ZBTB20: variants seen among roughly 807,000 people sequenced by gnomAD.
ZBTB20 encodes the protein zinc finger and BTB domain containing 20.
In ZBTB20, 9 loss-of-function variants were observed where a neutral mutation model predicts 56.9. The ratio of observed to expected loss-of-function variants is 0.16; its 90% CI spans 0.10 to 0.28. The LOEUF (loss-of-function observed/expected upper bound fraction) is 0.28, where lower values mean the gene tolerates loss of function less well. Ranked by LOEUF, ZBTB20 falls within the 10% of genes least tolerant of loss-of-function variation. The pLI is 1.00. For synonymous variants in ZBTB20, 417 were observed against 420.7 expected, an observed-to-expected ratio of 0.99 and a Z score of 0.11; for missense variants, 655 against 1,003.0, an observed-to-expected ratio of 0.65 and a Z score of 4.69.
chr3:114,782,125 C>T (rs965285981), intron 5 of ZBTB20, among the ~76,000 whole-genome samples: 3 of 152,318 alleles, frequency 2.0e-5, no homozygotes, highest in Non-Finnish European at 4.4e-5. Context: ...CTTCAGCAAG[C>T]AAATGCTCCA....
chr3:115,107,434 G>A (rs1019663321), intron 1 of ZBTB20, among the ~76,000 whole-genome samples: 8 of 149,964 alleles, frequency 5.3e-5, no homozygotes, highest in Non-Finnish European at 8.9e-5. Context: ...AAAAAAAAAA[G>A]TTTGTTAAAA....
intron 6 of ZBTB20, among the ~76,000 whole-genome samples, chr3:114,631,828 T>C (rs1346586695): frequency 6.6e-6 from 1 of 152,222 alleles, no homozygotes; most frequent in African/African-American, 2.4e-5. Context: ...GATACTGTGA[T>C]CATTGTTAGA....
At chr3:114,864,750 T>A (rs2075690746) in intron 4 of ZBTB20, among the ~76,000 whole-genome samples, 1 of 152,066 alleles carries the variant, frequency 6.6e-6, no homozygotes, top group Non-Finnish European at 1.5e-5. Flanking sequence ...CTTCCGGAGT[T>A]AAATTTTAAA....
At chr3:114,815,161 T>C (rs2072828663) in intron 4 of ZBTB20, among the ~76,000 whole-genome samples, 1 of 152,214 alleles carries the variant, frequency 6.6e-6, no homozygotes, top group Admixed American at 6.5e-5. Context: ...GGATTATTTG[T>C]ACAATAAAAT....
At chr3:114,912,678 T>A (rs1438517997) in intron 3 of ZBTB20, among the ~76,000 whole-genome samples, 1 of 151,972 alleles carries the variant, frequency 6.6e-6, no homozygotes, top group Non-Finnish European at 1.5e-5. Context: ...CCCTGTTGGG[T>A]GATCAAATAC....
chr3:114,582,659 C>G (rs141468876), intron 6 of ZBTB20, among the ~76,000 whole-genome samples: 2 of 152,144 alleles, frequency 1.3e-5, no homozygotes, highest in South Asian at 2.1e-4. Flanking sequence ...GGATTATAGG[C>G]GTGAGCCACC....
At chr3:114,501,093 G>C (rs531422402) in intron 6 of ZBTB20, among the ~76,000 whole-genome samples, 3 of 152,254 alleles carry the variant, frequency 2.0e-5, no homozygotes, top group East Asian at 3.9e-4. Context: ...TCAGTCCTAA[G>C]TTTGCCCCGG....
chr3:114,838,444 A>T (rs957133669), intron 4 of ZBTB20, among the ~76,000 whole-genome samples: 1 of 152,178 alleles, frequency 6.6e-6, no homozygotes, highest in Admixed American at 6.5e-5. Flanking sequence ...AAGTTTTGAC[A>T]TCTTCGAATG....
chr3:114,754,951 T>G (rs1188415442), intron 5 of ZBTB20, among the ~76,000 whole-genome samples: 2 of 152,202 alleles, frequency 1.3e-5, no homozygotes, highest in African/African-American at 4.8e-5. Flanking sequence ...CTAGAAATGT[T>G]TAAAGTCACA....
intron 4 of ZBTB20, among the ~76,000 whole-genome samples, chr3:114,858,444 G>A (rs1054660645): frequency 3.9e-5 from 6 of 152,102 alleles, no homozygotes; most frequent in Middle Eastern, 3.4e-3. Flanking sequence ...CATGATTGTC[G>A]AAAGCTTGTC....
At chr3:114,781,361 G>A (rs1365737209) in intron 5 of ZBTB20, among the ~76,000 whole-genome samples, 4 of 152,166 alleles carry the variant, frequency 2.6e-5, no homozygotes, top group African/African-American at 9.7e-5. Flanking sequence ...ATTAATAAAT[G>A]TTAGCTGTTA....
chr3:114,581,917 A>T (rs1401926702), intron 6 of ZBTB20, among the ~76,000 whole-genome samples: 2 of 152,206 alleles, frequency 1.3e-5, no homozygotes, highest in Admixed American at 1.3e-4. Flanking sequence ...TTCTATGTAT[A>T]TATGTCTATA....
Position 115,139,682 on chromosome 3 carries a change from A to C in ZBTB20, c.-703+7537T>G, listed in dbSNP as rs905431134. Among the ~76,000 whole-genome samples the C allele has an allele frequency of 3.7e-4, 57 of 152,100 alleles. 1 individual carries two copies. Among genetic ancestry groups the C allele is most frequent in the African/African-American group, 1.4e-3 (57 of 41,462 alleles). On this transcript the variant is annotated intron_variant, in intron 1 of 11. Transcript: ENST00000675478. ...AAATTTATCTTTTATCTTTGAATAA[A>C]TGTATCTATCTATAGATTTTATAGA...
At chr3:114,580,433 A>G (rs2054531129) in intron 6 of ZBTB20, among the ~76,000 whole-genome samples, 1 of 151,802 alleles carries the variant, frequency 6.6e-6, no homozygotes, top group African/African-American at 2.4e-5. Context: ...CCATTAAAAT[A>G]AGAAACAGAA....
intron 7 of ZBTB20, among the ~76,000 whole-genome samples, chr3:114,406,568 C>A (rs1408907390): frequency 6.6e-6 from 1 of 152,028 alleles, no homozygotes; most frequent in African/African-American, 2.4e-5. Context: ...GCGCCTTACT[C>A]GAGATGACAA....
At position 114,426,337 on chromosome 3, in the gene ZBTB20, C is replaced by CAAAAAA. The variant is rs60778829; in HGVS notation, c.-254-37238_-254-37233dup. On this transcript the variant is annotated intron_variant, in intron 7 of 11. Coordinates refer to ENST00000675478, the MANE Select transcript of ZBTB20 (RefSeq NM_001348800.3). ...TGGGTGACAGAGCAAGACTCCATCT[C>CAAAAAA]AAAAAAAAAAAAAAAAAAAAAAAAA... Among the ~76,000 whole-genome samples, 59 of 109,500 alleles carry CAAAAAA rather than the reference C, an allele frequency of 5.4e-4. 2 individuals are homozygous for CAAAAAA. Among genetic ancestry groups the CAAAAAA allele is most frequent in the East Asian group, 3.7e-3 (15 of 4,062 alleles). The allele number at this position is 109,500 out of a possible 152,430, so 71.8% of individuals were successfully genotyped here.
chr3:114,627,771 T>C (rs777287197), intron 6 of ZBTB20, among the ~76,000 whole-genome samples: 1 of 152,210 alleles, frequency 6.6e-6, no homozygotes, highest in Non-Finnish European at 1.5e-5. Context: ...CAAGTCACAA[T>C]GACAAATCAT....
chr3:114,565,388 G>A (rs193249135), intron 6 of ZBTB20, among the ~76,000 whole-genome samples: 47 of 152,236 alleles, frequency 3.1e-4, no homozygotes, highest in Admixed American at 9.2e-4. Flanking sequence ...CCGTCTGGGC[G>A]TCTGGCACCT....
intron 2 of ZBTB20, among the ~76,000 whole-genome samples, chr3:115,013,157 C>T (rs1193150317): frequency 6.6e-6 from 1 of 151,292 alleles, no homozygotes; most frequent in African/African-American, 2.4e-5. Flanking sequence ...TATTAAAGAA[C>T]TTCAAAAGCA....
Sources: allele counts gnomAD v4.1 joint callset (sites outside exome capture counted in the v4.1 genomes callset), GRCh38; gene constraint gnomAD v4.1.1; transcripts MANE v1.5; gene names NCBI Gene and HGNC (gene_info 2026-07-23, HGNC 2026-07-21).